The following ARID1B variants were observed in gnomAD, a reference collection of about 807,000 sequenced individuals.
ARID1B encodes AT-rich interaction domain 1B.
Under a neutral mutation model 212.3 loss-of-function variants are expected in ARID1B, and 30 were observed. The ratio of observed to expected loss-of-function variants is 0.14; its 90% confidence interval spans 0.11 to 0.19. The LOEUF (loss-of-function observed/expected upper bound fraction) is 0.19. Among genes scored for constraint, ARID1B ranks in the 10% least tolerant of loss-of-function variants. The probability of loss-of-function intolerance (pLI) is 1.00; values close to 1 mark genes in which losing one functional copy is unlikely to be tolerated. For missense variants in ARID1B, 2,891 were observed against 3,204.0 expected, an observed-to-expected ratio of 0.90 and a Z score of 2.36; for synonymous variants, 1,402 against 1,301.7, an observed-to-expected ratio of 1.08 and a Z score of -1.66.
chr6:156,919,457 T>C (rs1289230345), intron 3 of ARID1B, among the ~76,000 whole-genome samples: 1 of 152,164 alleles, frequency 6.6e-6, no homozygotes, highest in Non-Finnish European at 1.5e-5. Flanking sequence ...TTTTCAATAC[T>C]AATTTTAGAA....
Position 156,778,453 on chromosome 6 carries a change from G to C in ARID1B, c.773G>C (p.Gly258Ala), listed in dbSNP as rs1430578340. The C allele has an allele frequency of 7.1e-7, 1 of 1,402,824 alleles. No homozygotes were observed. Among genetic ancestry groups the C allele is most frequent in the Admixed American group, 3.2e-5 (1 of 31,494 alleles). 86.9% of individuals were successfully genotyped at this position (1,402,824 alleles called of 1,614,324 possible). Reference protein sequence around the residue: ...SAAGGQADPPGPPLLSKPGDE... With the variant: ...SAAGGQADPPAPPLLSKPGDE... Reference sequence around the variant, plus strand: ...GCGGGCGGCCAGGCCGACCCCCCGGGCCCGCCGCTGCTGAGCAAGCCGGGC... The same window carrying C: ...GCGGGCGGCCAGGCCGACCCCCCGGCCCCGCCGCTGCTGAGCAAGCCGGGC... Residue 258 changes from glycine to alanine, a missense_variant, in exon 1 of 20, where the codon GGC becomes GCC. Gly to Ala is a moderately conservative substitution (Grantham distance 60, BLOSUM62 0). Around this residue, in one of 7 missense-constraint regions of ARID1B, gnomAD observed 1,643 missense variants for 1,544.0 expected, o/e 1.06. Transcript: ENST00000636930.
rs148974300 is a variant in ARID1B, at chr6:157,120,675, G to A, written c.2581+10114G>A. Among the ~76,000 whole-genome samples the A allele has an allele frequency of 6.6e-5, 10 of 152,314 alleles. No homozygotes were observed. In the South Asian group the frequency reaches 8.3e-4, roughly 13 times the overall value. On this transcript the variant is annotated intron_variant, in intron 6 of 19. Coordinates refer to ENST00000636930, the MANE Select transcript of ARID1B (RefSeq NM_001374828.1). The stretch of plus-strand genomic sequence containing the variant: ...TGGGTGGAGACACCACAAAGGTGGC[G>A]TGGTATGTAACCGTGGCACACACAC...
chr6:156,950,165 G>T (rs1041682956), intron 4 of ARID1B, among the ~76,000 whole-genome samples: 3 of 151,386 alleles, frequency 2.0e-5, no homozygotes, highest in East Asian at 4.1e-4. Flanking sequence ...TCAGCTCATG[G>T]TATTACTAGT....
intron 11 of ARID1B, 78 bp from the exon 12 acceptor site, chr6:157,180,891 C>T: frequency 8.3e-7 from 1 of 1,200,534 alleles, no homozygotes; most frequent in Non-Finnish European, 1.2e-6. Context: ...TTTGTTAGCT[C>T]ATTACTTTTT....
In ARID1B at chr6:157,208,705, TTTTTC is replaced by T. The variant is rs1413332859; in HGVS notation, c.*824_*828del. ...GTTGTACATTAAACATACCCTCATT[TTTTTC>T]TTTTCTTTTTTTTTTTTTTTTTTAG... is the stretch of plus-strand genomic sequence containing the variant. On this transcript the variant is annotated 3_prime_UTR_variant, in exon 20 of 20. Coordinates refer to ENST00000636930, the MANE Select transcript of ARID1B (RefSeq NM_001374828.1). 8.3e-5 allele frequency: 19 copies of T among 228,926 alleles called. No homozygotes were observed. The highest frequency in any genetic ancestry group is 3.7e-4 in the East Asian group (6 of 16,264). 14.2% of individuals were successfully genotyped at this position (228,926 alleles called of 1,614,324 possible). A position where few individuals can be genotyped will look rare whatever the true frequency, so the allele number is the denominator to read the frequency against.
In ARID1B at chr6:157,174,055, C is replaced by T. The variant is rs2128303893; in HGVS notation, c.3283C>T (p.Pro1095Ser). ...DMMSPGESKLPLPLKADGKEE... is the reference protein window; with the variant it reads ...DMMSPGESKLSLPLKADGKEE... ...GATGTCTCCTGGTGAATCCAAACTG[C>T]CCCTGCCTCTCAAAGCAGACGGCAA... Residue 1095 changes from proline to serine, a missense_variant, in exon 10 of 20, where the codon CCC becomes TCC. By Grantham distance (74) the Pro-to-Ser change is moderately conservative (BLOSUM62 -1). Around this residue, in one of 7 missense-constraint regions of ARID1B, gnomAD observed 1,643 missense variants for 1,544.0 expected, o/e 1.06. Coordinates refer to ENST00000636930, the MANE Select transcript of ARID1B (RefSeq NM_001374828.1). The T allele has an allele frequency of 6.2e-7, 1 of 1,614,140 alleles. No individual in the cohort carries two copies. Among genetic ancestry groups the T allele is most frequent in the African/African-American group, 1.3e-5 (1 of 75,008 alleles).
chr6:156,863,004 T>G lies in ARID1B; in HGVS notation c.1986+33583T>G, dbSNP rs1196752222. 3.9e-5 allele frequency among the ~76,000 whole-genome samples: 6 copies of G among 152,298 alleles called. No homozygotes were observed. The East Asian group carries it at 1.2e-3, about 29-fold the overall frequency. Reference sequence around the variant, plus strand: ...ACGGAATATGGGCCTGCGCCTTAGTTGCACGTGAGATGATCCTGGAGACAG... The same window carrying G: ...ACGGAATATGGGCCTGCGCCTTAGTGGCACGTGAGATGATCCTGGAGACAG... On this transcript the variant is annotated intron_variant, in intron 2 of 19. Coordinates refer to ENST00000636930, the MANE Select transcript of ARID1B (RefSeq NM_001374828.1).
intron 2 of ARID1B, among the ~76,000 whole-genome samples, chr6:156,886,500 C>T (rs1310812034): frequency 6.6e-6 from 1 of 152,200 alleles, no homozygotes; most frequent in Non-Finnish European, 1.5e-5. Flanking sequence ...GTACTGCTCT[C>T]CTGGGACACA....
At chr6:156,802,112 T>C (rs904022742) in intron 1 of ARID1B, among the ~76,000 whole-genome samples, 16 of 152,204 alleles carry the variant, frequency 1.1e-4, no homozygotes, top group Admixed American at 1.3e-4. Context: ...CTACCCAATT[T>C]TTCACAGCTT....
rs775526039 is a variant in ARID1B at position 157,181,146 on chromosome 6, G to A, written c.3682G>A (p.Val1228Ile). ...KKPLDLFRLY[V>I]CVKEIGGLAQ... ...GCCCCTGGACCTGTTCCGACTCTAC[G>A]TCTGCGTCAAAGAGATCGGGGGTTT... The change falls in exon 12 of 20, where the codon GTC becomes ATC. Residue 1228 changes from valine to isoleucine, a missense_variant. Physicochemically the swap from Val to Ile is conservative, Grantham distance 29. Around this residue, in one of 7 missense-constraint regions of ARID1B, gnomAD observed 666 missense variants for 873.5 expected, o/e 0.76. Coordinates refer to ENST00000636930, the MANE Select transcript of ARID1B (RefSeq NM_001374828.1). The A allele has an allele frequency of 2.7e-5, 43 of 1,614,092 alleles. No individual in the cohort carries two copies. The Admixed American group carries it at 4.0e-4, about 15-fold the overall frequency.
intron 4 of ARID1B, among the ~76,000 whole-genome samples, chr6:157,018,460 C>T (rs370468173): frequency 7.9e-5 from 12 of 152,174 alleles, no homozygotes; most frequent in African/African-American, 2.4e-4. Context: ...ATGATCCTTC[C>T]GCCTTGCCCT....
rs536229917 is a variant in ARID1B, at chr6:157,097,538, C to T, written c.2491+12633C>T. Among the ~76,000 whole-genome samples the T allele has an allele frequency of 3.4e-4, 52 of 152,278 alleles. 1 individual carries two copies. The highest frequency in any genetic ancestry group is 2.1e-3 in the Admixed American group (32 of 15,286). ...AAATGACTCCAAGGGAGTGAGCATC[C>T]GCATGTGGCACTTCTCATAGCCAAC... On this transcript the variant is annotated intron_variant, in intron 5 of 19. Coordinates refer to ENST00000636930, the MANE Select transcript of ARID1B (RefSeq NM_001374828.1).
intron 11 of ARID1B, among the ~76,000 whole-genome samples, chr6:157,180,707 CT>C (rs1792449985): frequency 6.6e-6 from 1 of 152,036 alleles, no homozygotes; most frequent in Admixed American, 6.5e-5. Context: ...CCAAAAAGGG[CT>C]TTGTTCTTTT....
intron 3 of ARID1B, among the ~76,000 whole-genome samples, chr6:156,931,244 C>G (rs1445933110): frequency 2.0e-5 from 3 of 151,264 alleles, no homozygotes; most frequent in African/African-American, 7.3e-5. Flanking sequence ...GAATGTTTTC[C>G]CTTTTTAATT....
intron 5 of ARID1B, among the ~76,000 whole-genome samples, chr6:157,097,316 A>G (rs151160755): frequency 1.2e-4 from 18 of 152,306 alleles, no homozygotes; most frequent in Non-Finnish European, 1.9e-4. Flanking sequence ...AACTTTATAC[A>G]TTCTGTGTTA....
At chr6:156,789,548 G>T (rs1779876829) in intron 1 of ARID1B, among the ~76,000 whole-genome samples, 1 of 152,190 alleles carries the variant, frequency 6.6e-6, no homozygotes, top group African/African-American at 2.4e-5. Flanking sequence ...TTTTGTGAAA[G>T]AAGTTTTGAT....
At chr6:156,935,599 T>C in intron 4 of ARID1B, 23 bp downstream of exon 4, 1 of 1,569,992 alleles carries the variant, frequency 6.4e-7, no homozygotes, top group Non-Finnish European at 8.8e-7. Flanking sequence ...TGTGCTGATT[T>C]GGAAATGTAA....
At chr6:157,028,853 A>T (rs971731498) in intron 4 of ARID1B, among the ~76,000 whole-genome samples, 2 of 152,248 alleles carry the variant, frequency 1.3e-5, no homozygotes, top group Non-Finnish European at 2.9e-5. Context: ...GCATAGGCAG[A>T]TATTCTTACC....
chr6:157,070,476 G>A (rs994034442), intron 4 of ARID1B, among the ~76,000 whole-genome samples: 1 of 152,110 alleles, frequency 6.6e-6, no homozygotes, highest in Non-Finnish European at 1.5e-5. Context: ...CATAATTACA[G>A]TAATGATCAC....
Sources: allele counts gnomAD v4.1 joint callset (sites outside exome capture counted in the v4.1 genomes callset), GRCh38; gene constraint gnomAD v4.1.1; regional missense constraint gnomAD v4.1.1; transcripts MANE v1.5; gene names NCBI Gene and HGNC (gene_info 2026-07-23, HGNC 2026-07-21).